The following MALRD1 variants were observed in gnomAD, a reference collection of about 807,000 sequenced individuals.
The protein encoded by MALRD1 is MAM and LDL-receptor class A domain-containing protein 1.
Under a neutral mutation model 242.1 loss-of-function variants are expected in MALRD1, and 247 were observed. The ratio of observed to expected loss-of-function variants is 1.02; its 90% CI spans 0.92 to 1.13. MALRD1 has a LOEUF of 1.13. Ranked by LOEUF, MALRD1 falls within the 50% of genes most tolerant of loss-of-function variation. The pLI, the probability that MALRD1 is intolerant of heterozygous loss-of-function variation, is 0.00. For synonymous variants in MALRD1, 995 were observed against 866.6 expected, an observed-to-expected ratio of 1.15 and a Z score of -2.60; for missense variants, 2,989 against 2,533.1, an observed-to-expected ratio of 1.18 and a Z score of -3.86.
chr10:19,636,515 A>G (rs1042643095), intron 36 of MALRD1, among the ~76,000 whole-genome samples: 1 of 152,202 alleles, frequency 6.6e-6, no homozygotes, highest in Non-Finnish European at 1.5e-5. Flanking sequence ...ATGAACTTAA[A>G]TACACAAAAC....
At chr10:19,108,307 A>T (rs1053361543) in intron 5 of MALRD1, among the ~76,000 whole-genome samples, 3 of 148,428 alleles carry the variant, frequency 2.0e-5, no homozygotes, top group African/African-American at 7.4e-5. Flanking sequence ...TCATTTGTTG[A>T]TATCCTCAGC....
chr10:19,412,185 G>C (rs146822114), intron 28 of MALRD1, among the ~76,000 whole-genome samples: 3,077 of 152,262 alleles, frequency 0.02, 96 homozygotes, highest in African/African-American at 0.07. Flanking sequence ...CAGCTACTCG[G>C]GAGGCTGAGG....
intron 33 of MALRD1, among the ~76,000 whole-genome samples, chr10:19,585,412 G>T (rs1458511816): frequency 6.6e-6 from 1 of 151,694 alleles, no homozygotes; most frequent in African/African-American, 2.4e-5. Context: ...CTCTTTTAGG[G>T]CAGGCCTGGT....
At chr10:19,289,376 A>G (rs1188898229) in intron 21 of MALRD1, among the ~76,000 whole-genome samples, 11 of 152,222 alleles carry the variant, frequency 7.2e-5, no homozygotes, top group Admixed American at 6.5e-4. Flanking sequence ...TGTCTGGTGC[A>G]TAATAGGCCT....
chr10:19,305,488 A>G (rs1032060376), intron 21 of MALRD1, among the ~76,000 whole-genome samples: 2 of 151,398 alleles, frequency 1.3e-5, no homozygotes, highest in African/African-American at 4.8e-5. Flanking sequence ...GCATAAATCA[A>G]TATAAAGCTA....
chr10:19,277,215 C>G (rs919598134), intron 19 of MALRD1, among the ~76,000 whole-genome samples: 2 of 152,118 alleles, frequency 1.3e-5, no homozygotes, highest in Non-Finnish European at 2.9e-5. Context: ...TGTGAGCCAC[C>G]ACACCTGGTG....
At chr10:19,109,700 T>C (rs1472229465) in intron 5 of MALRD1, among the ~76,000 whole-genome samples, 2 of 152,180 alleles carry the variant, frequency 1.3e-5, no homozygotes, top group African/African-American at 4.8e-5. Context: ...GATGGGGAGA[T>C]GCAGTGGCTA....
At chr10:19,240,077 G>C (rs551021565) in intron 18 of MALRD1, among the ~76,000 whole-genome samples, 2 of 152,020 alleles carry the variant, frequency 1.3e-5, no homozygotes, top group South Asian at 2.1e-4. Flanking sequence ...GAATCTGTAG[G>C]ACATTTTGTT....
intron 18 of MALRD1, among the ~76,000 whole-genome samples, chr10:19,251,156 A>G (rs375392135): frequency 3.9e-5 from 6 of 151,962 alleles, no homozygotes; most frequent in South Asian, 2.1e-4. Context: ...GTGCAGATAC[A>G]TTAGAAAAGA....
At chr10:19,492,361 G>A (rs1001816905) in intron 30 of MALRD1, among the ~76,000 whole-genome samples, 3 of 152,100 alleles carry the variant, frequency 2.0e-5, no homozygotes, top group Non-Finnish European at 4.4e-5. Flanking sequence ...TACCCCAGAA[G>A]TTAGTGGTCT....
intron 38 of MALRD1, among the ~76,000 whole-genome samples, chr10:19,715,597 A>G (rs865987767): frequency 1.3e-5 from 2 of 152,312 alleles, no homozygotes; most frequent in Non-Finnish European, 1.5e-5. Flanking sequence ...AGTGCTTAGT[A>G]GAACAAAGCT....
chr10:19,058,452 A>G (rs1834730407), intron 1 of MALRD1, among the ~76,000 whole-genome samples: 1 of 152,230 alleles, frequency 6.6e-6, no homozygotes, highest in Admixed American at 6.5e-5. Context: ...TTTGATGTGT[A>G]ATAGATTTTC....
intron 10 of MALRD1, among the ~76,000 whole-genome samples, chr10:19,138,827 A>G (rs184841508): frequency 1.8e-4 from 27 of 152,062 alleles, no homozygotes; most frequent in Non-Finnish European, 2.5e-4. Flanking sequence ...TTTTCGACAT[A>G]TTTTCTCATT....
At chr10:19,702,856 T>G (rs1833687341) in intron 38 of MALRD1, among the ~76,000 whole-genome samples, 1 of 152,194 alleles carries the variant, frequency 6.6e-6, no homozygotes, top group African/African-American at 2.4e-5. Flanking sequence ...AGATTTTTCA[T>G]TAAATTTTGT....
At chr10:19,243,756 A>G (rs955767387) in intron 18 of MALRD1, among the ~76,000 whole-genome samples, 3 of 152,130 alleles carry the variant, frequency 2.0e-5, no homozygotes, top group Non-Finnish European at 2.9e-5. Context: ...TTTCTTGGTC[A>G]CCTAGATTTA....
chr10:19,369,837 A>C (rs1040781956), intron 26 of MALRD1, among the ~76,000 whole-genome samples: 2 of 151,772 alleles, frequency 1.3e-5, no homozygotes, highest in African/African-American at 4.8e-5. Flanking sequence ...TATTACTGAT[A>C]TATTACTTTC....
At chr10:19,150,491 G>T (rs941369401) in intron 11 of MALRD1, among the ~76,000 whole-genome samples, 1 of 152,134 alleles carries the variant, frequency 6.6e-6, no homozygotes, top group African/African-American at 2.4e-5. Flanking sequence ...TTCTACCCAT[G>T]TGGGTCTCCC....
intron 36 of MALRD1, among the ~76,000 whole-genome samples, chr10:19,643,868 T>C (rs1840524194): frequency 6.6e-6 from 1 of 152,168 alleles, no homozygotes; most frequent in African/African-American, 2.4e-5. Context: ...CTAACTGAAT[T>C]AGCCAGTGGG....
intron 14 of MALRD1, among the ~76,000 whole-genome samples, chr10:19,180,174 T>G (rs2131555168): frequency 6.6e-6 from 1 of 152,316 alleles, no homozygotes; most frequent in South Asian, 2.1e-4. Context: ...ACAGACATTT[T>G]CCAGAAGTGT....
Sources: allele counts gnomAD v4.1 joint callset (sites outside exome capture counted in the v4.1 genomes callset), GRCh38; gene constraint gnomAD v4.1.1; transcripts MANE v1.5; gene names NCBI Gene and HGNC (gene_info 2026-07-23, HGNC 2026-07-21).